The following PPP1R12B variants were observed in gnomAD, a reference collection of about 807,000 sequenced individuals.
PPP1R12B encodes the protein myosin phosphatase target subunit 2.
A neutral mutation model predicts 126.1 loss-of-function variants in PPP1R12B; 76 were observed. That is an observed-to-expected ratio of 0.60 (90% confidence interval 0.50 to 0.73). The LOEUF (loss-of-function observed/expected upper bound fraction) is 0.73. Ranked by LOEUF, PPP1R12B falls within the 30% of genes least tolerant of loss-of-function variation. The probability of loss-of-function intolerance (pLI) is 0.00; values close to 1 mark genes in which losing one functional copy is unlikely to be tolerated. For synonymous variants in PPP1R12B, 356 were observed against 434.7 expected (o/e 0.82, Z 2.25); for missense variants, 1,052 against 1,205.1 (o/e 0.87, Z 1.88).
At chr1:202,494,679 C>G (rs1280466383) in intron 15 of PPP1R12B, among the ~76,000 whole-genome samples, 2 of 150,364 alleles carry the variant, frequency 1.3e-5, no homozygotes, top group Non-Finnish European at 3.0e-5. Context: ...GCACTCCAGC[C>G]TGGGCAACAG....
intron 19 of PPP1R12B, 135 bp downstream of exon 19, chr1:202,559,028 C>T: frequency 1.1e-6 from 1 of 947,650 alleles, no homozygotes; most frequent in African/African-American, 1.7e-5. Context: ...ACAGCCACCA[C>T]AATAATTCAG....
At chr1:202,417,000 T>A in intron 2 of PPP1R12B, 83 bp downstream of exon 2, 1 of 1,397,054 alleles carries the variant, frequency 7.2e-7, no homozygotes, top group Non-Finnish European at 9.6e-7. Flanking sequence ...AATTTGAATT[T>A]TATAAATAGT....
intron 12 of PPP1R12B, among the ~76,000 whole-genome samples, chr1:202,443,410 G>C (rs1447627931): frequency 2.0e-5 from 3 of 152,198 alleles, no homozygotes; most frequent in African/African-American, 7.2e-5. Flanking sequence ...GCCTAGACTA[G>C]ATGAACACAT....
chr1:202,426,014 C>G (rs1348241216), intron 4 of PPP1R12B, among the ~76,000 whole-genome samples: 1 of 152,108 alleles, frequency 6.6e-6, no homozygotes, highest in East Asian at 1.9e-4. Flanking sequence ...CATTAATATC[C>G]CTGCAACGAC....
At chr1:202,523,455 AAGGAAG>A (rs1682986545) in intron 18 of PPP1R12B, among the ~76,000 whole-genome samples, 1 of 152,332 alleles carries the variant, frequency 6.6e-6, no homozygotes, top group Admixed American at 6.5e-5. Context: ...AAGATATCTG[AAGGAAG>A]AACATTTCTT....
At chr1:202,577,315 A>G (rs1326836666) in intron 23 of PPP1R12B, 1 of 152,258 alleles carries the variant, frequency 6.6e-6, no homozygotes, top group Non-Finnish European at 1.5e-5. Flanking sequence ...TATGGAATTT[A>G]AATTTCAATG....
intron 18 of PPP1R12B, among the ~76,000 whole-genome samples, chr1:202,516,445 AAGG>A (rs947331742): frequency 1.3e-5 from 2 of 152,194 alleles, no homozygotes; most frequent in African/African-American, 4.8e-5. Flanking sequence ...GTTTGCCAGT[AAGG>A]AGATGTTGCT....
intron 1 of PPP1R12B, among the ~76,000 whole-genome samples, chr1:202,350,634 T>C (rs1412737525): frequency 1.3e-5 from 2 of 151,946 alleles, no homozygotes; most frequent in African/African-American, 4.8e-5. Flanking sequence ...TCTTTTTTTT[T>C]TTTTGATTCA....
At position 202,359,489 on chromosome 1, in the gene PPP1R12B, A is replaced by T. The variant is rs1285311430; in HGVS notation, c.291+10347A>T. ...TCTCTAGAACGTAGAAATTTAAATTAAAAAAAAATCAGCTGGGCGTGGTGG... is the reference window on the plus strand; with the variant it reads ...TCTCTAGAACGTAGAAATTTAAATTTAAAAAAAATCAGCTGGGCGTGGTGG... On this transcript the variant is annotated intron_variant, in intron 1 of 23. Transcript: ENST00000608999. Among the ~76,000 whole-genome samples, 3 of 144,862 alleles carry T rather than the reference A, an allele frequency of 2.1e-5. No individual in the cohort carries two copies. In the East Asian group the frequency reaches 5.9e-4, roughly 28 times the overall value.
chr1:202,426,646 C>T (rs1156621796), intron 4 of PPP1R12B, among the ~76,000 whole-genome samples: 1 of 152,182 alleles, frequency 6.6e-6, no homozygotes, highest in Non-Finnish European at 1.5e-5. Context: ...AGAATGACCA[C>T]AGCCTATTAG....
intron 2 of PPP1R12B, among the ~76,000 whole-genome samples, chr1:202,420,400 GA>G (rs1198525563): frequency 1.3e-5 from 2 of 152,214 alleles, no homozygotes; most frequent in Non-Finnish European, 2.9e-5. Context: ...TGAAAGAAGT[GA>G]AAGGTTTCTA....
At chr1:202,515,074 T>A (rs1681957153) in intron 18 of PPP1R12B, among the ~76,000 whole-genome samples, 1 of 152,148 alleles carries the variant, frequency 6.6e-6, no homozygotes, top group South Asian at 2.1e-4. Flanking sequence ...TTGTCACTTA[T>A]AAGTGGAAGC....
chr1:202,427,342 T>C (rs1669663100), intron 5 of PPP1R12B, among the ~76,000 whole-genome samples, 158 bp downstream of exon 5: 1 of 152,202 alleles, frequency 6.6e-6, no homozygotes, highest in Non-Finnish European at 1.5e-5. Context: ...TCTGGCCCTA[T>C]TAACACAGAG....
At chr1:202,425,424 C>T (rs1669375092) in intron 3 of PPP1R12B, 142 bp from the exon 4 acceptor site, 1 of 901,956 alleles carries the variant, frequency 1.1e-6, no homozygotes, top group Non-Finnish European at 1.7e-6. Flanking sequence ...CATTGATCTT[C>T]TAAATTTGAT....
In PPP1R12B at chr1:202,580,730, C is replaced by G. The variant is rs1220903627; in HGVS notation, c.*170C>G. ...ACACTCTACATTTTCTCTGCACTTT[C>G]AATGCCCTGTTCTTCCAAACCCCTA... On this transcript the variant is annotated 3_prime_UTR_variant, in exon 24 of 24. Coordinates refer to ENST00000608999, the MANE Select transcript of PPP1R12B (RefSeq NM_002481.4). 6.8e-6 allele frequency: 4 copies of G among 589,340 alleles called. No individual in the cohort carries two copies. The highest frequency in any genetic ancestry group is 1.2e-5 in the Non-Finnish European group (4 of 325,976). The allele number at this position is 589,340 out of a possible 1,614,324, so 36.5% of individuals were successfully genotyped here. A position where few individuals can be genotyped will look rare whatever the true frequency, so the allele number is the denominator to read the frequency against.
At chr1:202,424,266 T>C (rs1247858885) in intron 3 of PPP1R12B, among the ~76,000 whole-genome samples, 1 of 152,060 alleles carries the variant, frequency 6.6e-6, no homozygotes, top group African/African-American at 2.4e-5. Context: ...TGGTTACCTC[T>C]TCACCCCATC....
intron 18 of PPP1R12B, among the ~76,000 whole-genome samples, chr1:202,513,854 C>T (rs1238774389): frequency 2.0e-5 from 3 of 152,022 alleles, no homozygotes; most frequent in East Asian, 1.9e-4. Flanking sequence ...CCAGGGCACA[C>T]CACTGTTTGA....
chr1:202,359,519 T>C (rs1254310700), intron 1 of PPP1R12B, among the ~76,000 whole-genome samples: 1 of 151,986 alleles, frequency 6.6e-6, no homozygotes, highest in Non-Finnish European at 1.5e-5. Flanking sequence ...TGGTGGCTCA[T>C]GCCTATAATC....
intron 18 of PPP1R12B, chr1:202,502,069 A>G (rs1225085399): frequency 1.2e-5 from 12 of 985,494 alleles, no homozygotes; most frequent in Non-Finnish European, 1.4e-5. Context: ...TAGAATCTCT[A>G]TTGCTTTTAG....
Sources: gnomAD v4.1 joint callset for allele counts (sites outside exome capture counted in the v4.1 genomes callset) on GRCh38, gnomAD v4.1.1 for gene constraint, MANE v1.5 for transcripts, NCBI Gene and HGNC (gene_info 2026-07-23, HGNC 2026-07-21) for gene names.